Variants in DOCK4 observed in about 807,000 individuals in gnomAD.
DOCK4 encodes dedicator of cytokinesis protein 4.
DOCK4 carries 97 observed loss-of-function variants against 268.1 expected under a neutral mutation model. The observed-to-expected ratio is 0.36, with a 90% CI of 0.31 to 0.43. The LOEUF (loss-of-function observed/expected upper bound fraction) is 0.43, where lower values mean the gene tolerates loss of function less well. Among genes scored for constraint, DOCK4 ranks in the 20% least tolerant of loss-of-function variants. The probability of loss-of-function intolerance (pLI) is 1.00; values close to 1 mark genes in which losing one functional copy is unlikely to be tolerated. For missense variants in DOCK4, 2,145 were observed against 2,455.7 expected (o/e 0.87, Z 2.67); for synonymous variants, 954 against 887.2 (o/e 1.08, Z -1.34).
intron 16 of DOCK4, among the ~76,000 whole-genome samples, chr7:111,891,496 T>C (rs556500206): frequency 1.3e-5 from 2 of 152,362 alleles, no homozygotes; most frequent in South Asian, 2.1e-4. Context: ...ATCTATGTTA[T>C]TGGCAATTTA....
intron 6 of DOCK4, 104 bp downstream of exon 6, chr7:111,988,911 C>T: frequency 2.8e-6 from 4 of 1,449,032 alleles, no homozygotes; most frequent in Non-Finnish European, 3.7e-6. Context: ...CATGAAAAAG[C>T]CCATAGGATT....
intron 1 of DOCK4, among the ~76,000 whole-genome samples, chr7:112,086,994 G>A (rs1045791333): frequency 2.6e-5 from 4 of 152,030 alleles, no homozygotes; most frequent in African/African-American, 9.7e-5. Context: ...GCTGAACCCT[G>A]GGTAAGAAGG....
intron 44 of DOCK4, among the ~76,000 whole-genome samples, chr7:111,744,889 G>A (rs1796163614): frequency 6.6e-6 from 1 of 152,140 alleles, no homozygotes; most frequent in African/African-American, 2.4e-5. Flanking sequence ...AGCCTACAGA[G>A]CATAAAAGAT....
chr7:112,051,334 T>C (rs769691412), intron 1 of DOCK4, among the ~76,000 whole-genome samples: 1 of 152,092 alleles, frequency 6.6e-6, no homozygotes, highest in Non-Finnish European at 1.5e-5. Context: ...GATTTACTAA[T>C]ATGATGGAGG....
intron 1 of DOCK4, among the ~76,000 whole-genome samples, chr7:112,032,134 CA>C (rs1422074935): frequency 6.6e-6 from 1 of 151,454 alleles, no homozygotes; most frequent in Admixed American, 6.6e-5. Flanking sequence ...ATTTTGATAG[CA>C]AAAAAAATGT....
At chr7:111,917,700 C>CATA (rs1554372106) in intron 12 of DOCK4, among the ~76,000 whole-genome samples, 2 of 144,472 alleles carry the variant, frequency 1.4e-5, no homozygotes, top group Non-Finnish European at 3.0e-5. Flanking sequence ...AGCGAGACCC[C>CATA]ATAATAAAAA....
chr7:112,076,148 A>G (rs1025393558), intron 1 of DOCK4, among the ~76,000 whole-genome samples: 3 of 152,142 alleles, frequency 2.0e-5, no homozygotes, highest in Non-Finnish European at 2.9e-5. Flanking sequence ...ACAGGAAACT[A>G]TTTTGTTGGA....
At chr7:112,058,579 A>G (rs1806062191) in intron 1 of DOCK4, among the ~76,000 whole-genome samples, 1 of 152,172 alleles carries the variant, frequency 6.6e-6, no homozygotes, top group Non-Finnish European at 1.5e-5. Flanking sequence ...TGAACACATT[A>G]AATATTAAGT....
chr7:112,094,246 G>C (rs367610757), intron 1 of DOCK4, among the ~76,000 whole-genome samples: 1 of 152,050 alleles, frequency 6.6e-6, no homozygotes, highest in Admixed American at 6.5e-5. Flanking sequence ...ATGGTATCAG[G>C]TCAGGGCTCA....
At chr7:111,793,266 G>C (rs888357824) in intron 30 of DOCK4, among the ~76,000 whole-genome samples, 2 of 152,210 alleles carry the variant, frequency 1.3e-5, no homozygotes, top group African/African-American at 4.8e-5. Context: ...ACCAGTGTGA[G>C]AGAAGAGAAT....
At position 111,736,484 on chromosome 7, in the gene DOCK4, C is replaced by T. The variant is rs1226729268; in HGVS notation, c.5305+433G>A. 2.0e-5 allele frequency among the ~76,000 whole-genome samples: 3 copies of T among 152,120 alleles called. No individual in the cohort carries two copies. The South Asian group carries it at 6.2e-4, about 32-fold the overall frequency. On this transcript the variant is annotated intron_variant, in intron 50 of 52. Coordinates refer to ENST00000428084, the MANE Select transcript of DOCK4 (RefSeq NM_001363540.2). ...AATTCTTAAATGGTATTTAATTGTA[C>T]AAGAGCCGTATCTGAGTCACAACAA... is the stretch of plus-strand genomic sequence containing the variant.
intron 1 of DOCK4, among the ~76,000 whole-genome samples, chr7:112,098,446 G>A (rs879917932): frequency 6.6e-6 from 1 of 151,150 alleles, no homozygotes; most frequent in African/African-American, 2.4e-5. Flanking sequence ...CAAAGTATTG[G>A]GATTACAGGT....
At chr7:112,068,078 A>G (rs958389042) in intron 1 of DOCK4, among the ~76,000 whole-genome samples, 4 of 152,158 alleles carry the variant, frequency 2.6e-5, no homozygotes, top group African/African-American at 9.7e-5. Context: ...AGAAATATAT[A>G]ATAAGCACCA....
intron 52 of DOCK4, among the ~76,000 whole-genome samples, chr7:111,729,245 T>G (rs918036532): frequency 1.3e-5 from 2 of 152,206 alleles, no homozygotes; most frequent in Admixed American, 6.5e-5. Context: ...CCGCCCAGTT[T>G]ACTCCTTATC....
At chr7:112,061,315 T>C (rs1320487699) in intron 1 of DOCK4, among the ~76,000 whole-genome samples, 1 of 152,058 alleles carries the variant, frequency 6.6e-6, no homozygotes, top group Non-Finnish European at 1.5e-5. Flanking sequence ...CCTTGAGGAT[T>C]GCAAAGGTGG....
chr7:111,840,523 CTTTT>C (rs1803596834), intron 25 of DOCK4, among the ~76,000 whole-genome samples: 1 of 151,562 alleles, frequency 6.6e-6, no homozygotes, highest in Admixed American at 6.6e-5. Flanking sequence ...CACAATGGTG[CTTTT>C]TTGTTTTTTT....
chr7:112,179,782 T>G (rs1818864248), intron 1 of DOCK4, among the ~76,000 whole-genome samples: 1 of 152,172 alleles, frequency 6.6e-6, no homozygotes, highest in Admixed American at 6.5e-5. Flanking sequence ...TTAGTATAGA[T>G]TTAAAACCCC....
chr7:111,770,621 C>G (rs1211142865), intron 36 of DOCK4, among the ~76,000 whole-genome samples: 3 of 152,118 alleles, frequency 2.0e-5, no homozygotes, highest in South Asian at 2.1e-4. Flanking sequence ...GAATAGGAAC[C>G]AGAATTGTCA....
chr7:112,150,185 TTTCTCC>T (rs1225807748), intron 1 of DOCK4, among the ~76,000 whole-genome samples: 1 of 152,078 alleles, frequency 6.6e-6, no homozygotes, highest in African/African-American at 2.4e-5. Context: ...GCCTGAGAAA[TTTCTCC>T]TTCTAAGACC....
Sources: gnomAD v4.1 joint callset for allele counts (sites outside exome capture counted in the v4.1 genomes callset) on GRCh38, gnomAD v4.1.1 for gene constraint, MANE v1.5 for transcripts, NCBI Gene and HGNC (gene_info 2026-07-23, HGNC 2026-07-21) for gene names.